The following SIPA1L2 variants were observed in gnomAD, a reference collection of about 807,000 sequenced individuals.
SIPA1L2 encodes signal-induced proliferation-associated 1-like protein 2.
A neutral mutation model predicts 163.9 loss-of-function variants in SIPA1L2; 56 were observed. The ratio of observed to expected loss-of-function variants is 0.34; its 90% CI spans 0.28 to 0.43. SIPA1L2 has a LOEUF of 0.43. Among genes scored for constraint, SIPA1L2 ranks in the 20% least tolerant of loss-of-function variants. SIPA1L2 has a pLI of 1.00. For missense variants in SIPA1L2, 1,974 were observed against 2,193.5 expected (o/e 0.90, Z 2.00); for synonymous variants, 877 against 865.7 (o/e 1.01, Z -0.23).
intron 8 of SIPA1L2, among the ~76,000 whole-genome samples, chr1:232,471,025 TGAAAA>T (rs1261166101): frequency 6.6e-6 from 1 of 152,162 alleles, no homozygotes; most frequent in African/African-American, 2.4e-5. Flanking sequence ...AGATCTTTGA[TGAAAA>T]GAAATGTTTT....
intron 2 of SIPA1L2, among the ~76,000 whole-genome samples, chr1:232,573,743 C>T (rs1399583142): frequency 6.6e-6 from 1 of 152,150 alleles, no homozygotes; most frequent in Admixed American, 6.5e-5. Flanking sequence ...ACCTTCCTCA[C>T]AACGGCCGCT....
chr1:232,476,880 T>C (rs1665074157), intron 7 of SIPA1L2, among the ~76,000 whole-genome samples: 1 of 152,182 alleles, frequency 6.6e-6, no homozygotes, highest in African/African-American at 2.4e-5. Context: ...CCAACTGTAG[T>C]GTAAGAAGCC....
intron 1 of SIPA1L2, among the ~76,000 whole-genome samples, chr1:232,587,613 G>C (rs906610477): frequency 2.0e-5 from 3 of 152,134 alleles, no homozygotes; most frequent in Non-Finnish European, 4.4e-5. Context: ...GCCCCACACT[G>C]TACTTACTAG....
intron 1 of SIPA1L2, among the ~76,000 whole-genome samples, chr1:232,614,824 C>T (rs935649169): frequency 1.3e-4 from 20 of 152,182 alleles, no homozygotes; most frequent in African/African-American, 3.6e-4. Flanking sequence ...GAGTTTTCTG[C>T]CTCTTTTTCT....
At chr1:232,434,937 T>C (rs1415829466) in intron 15 of SIPA1L2, among the ~76,000 whole-genome samples, 1 of 152,282 alleles carries the variant, frequency 6.6e-6, no homozygotes, top group East Asian at 1.9e-4. Flanking sequence ...GTACAGGACA[T>C]CAGGCATTAA....
chr1:232,551,366 A>G (rs1658370137), intron 2 of SIPA1L2, among the ~76,000 whole-genome samples: 1 of 152,236 alleles, frequency 6.6e-6, no homozygotes, highest in Non-Finnish European at 1.5e-5. Context: ...AGCCCTCACA[A>G]CTTCAACATC....
chr1:232,571,372 AT>A (rs1267591925), intron 2 of SIPA1L2, among the ~76,000 whole-genome samples: 1 of 152,330 alleles, frequency 6.6e-6, no homozygotes, highest in East Asian at 1.9e-4. Flanking sequence ...GAATAATTCA[AT>A]TTTTTTAAGT....
chr1:232,604,316 C>G (rs1429925963), intron 1 of SIPA1L2, among the ~76,000 whole-genome samples: 1 of 152,200 alleles, frequency 6.6e-6, no homozygotes. Flanking sequence ...CTTTTATAGT[C>G]TGTTGTATTC....
intron 22 of SIPA1L2, among the ~76,000 whole-genome samples, chr1:232,401,558 G>T (rs1660342609): frequency 6.6e-6 from 1 of 152,178 alleles, no homozygotes; most frequent in Non-Finnish European, 1.5e-5. Flanking sequence ...GTATGTGAAT[G>T]AACATGTGCA....
chr1:232,563,956 CGT>C (rs34854572), intron 2 of SIPA1L2, among the ~76,000 whole-genome samples: 19,048 of 72,010 alleles, frequency 0.26, 2,337 homozygotes, highest in Non-Finnish European at 0.31. Flanking sequence ...TTTTTTTTTT[CGT>C]GTGTGTGTGT....
chr1:232,424,061 A>G (rs1036586753), intron 18 of SIPA1L2, among the ~76,000 whole-genome samples: 1 of 152,178 alleles, frequency 6.6e-6, no homozygotes, highest in South Asian at 2.1e-4. Context: ...TGGCGGATAC[A>G]TGTCATCTTA....
intron 11 of SIPA1L2, among the ~76,000 whole-genome samples, chr1:232,444,414 G>C (rs1663083138): frequency 6.6e-6 from 1 of 152,026 alleles, no homozygotes; most frequent in South Asian, 2.1e-4. Flanking sequence ...GGCTATCTAT[G>C]TACATTTCTT....
intron 19 of SIPA1L2, 147 bp from the exon 20 acceptor site, chr1:232,404,325 C>G: frequency 1.5e-6 from 1 of 660,492 alleles, no homozygotes; most frequent in East Asian, 2.7e-5. Flanking sequence ...CATGTAACTC[C>G]AATGCAATGA....
At chr1:232,612,400 G>T (rs755811732) in intron 1 of SIPA1L2, among the ~76,000 whole-genome samples, 12 of 152,212 alleles carry the variant, frequency 7.9e-5, no homozygotes, top group Non-Finnish European at 1.5e-4. Flanking sequence ...AAAAGCTGCA[G>T]ACACTCAATG....
intron 2 of SIPA1L2, among the ~76,000 whole-genome samples, chr1:232,569,587 C>A (rs879267104): frequency 6.6e-6 from 1 of 152,100 alleles, no homozygotes; most frequent in African/African-American, 2.4e-5. Flanking sequence ...CTGAGGCAGG[C>A]GAATCACCCG....
chr1:232,419,638 CT>C (rs1164802108), intron 18 of SIPA1L2, among the ~76,000 whole-genome samples: 1 of 152,204 alleles, frequency 6.6e-6, no homozygotes, highest in Non-Finnish European at 1.5e-5. Flanking sequence ...CTGCTCCCCC[CT>C]CTACCTTCCA....
intron 2 of SIPA1L2, among the ~76,000 whole-genome samples, chr1:232,561,786 GC>G (rs1041112794): frequency 6.6e-6 from 1 of 152,192 alleles, no homozygotes; most frequent in Non-Finnish European, 1.5e-5. Context: ...CCGCTTTCCA[GC>G]CCCAGCTTAT....
chr1:232,584,767 C>T (rs950661108), intron 1 of SIPA1L2, among the ~76,000 whole-genome samples: 10 of 152,084 alleles, frequency 6.6e-5, no homozygotes, highest in South Asian at 4.1e-4. Flanking sequence ...TTATACAAAA[C>T]GCTAGATGGA....
intron 15 of SIPA1L2, among the ~76,000 whole-genome samples, chr1:232,438,039 A>T (rs1662670390): frequency 6.6e-6 from 1 of 152,050 alleles, no homozygotes; most frequent in Non-Finnish European, 1.5e-5. Flanking sequence ...GGTGGCATGA[A>T]CCAATCAGCA....
Sources: gnomAD v4.1 joint callset for allele counts (sites outside exome capture counted in the v4.1 genomes callset) on GRCh38, gnomAD v4.1.1 for gene constraint, MANE v1.5 for transcripts, NCBI Gene and HGNC (gene_info 2026-07-23, HGNC 2026-07-21) for gene names.